Variants in DLC1 observed in about 807,000 individuals in gnomAD.
DLC1 encodes the protein DLC1 Rho GTPase activating protein.
Under a neutral mutation model 140.3 loss-of-function variants are expected in DLC1, and 54 were observed. That is an observed-to-expected ratio of 0.38 (90% CI 0.31 to 0.48). The LOEUF is 0.48. Among genes scored for constraint, DLC1 ranks in the 20% least tolerant of loss-of-function variants. DLC1 has a pLI of 0.96. For missense variants in DLC1, 2,536 were observed against 1,907.0 expected, an observed-to-expected ratio of 1.33 and a Z score of -6.14; for synonymous variants, 986 against 728.1, an observed-to-expected ratio of 1.35 and a Z score of -5.70.
chr8:13,256,214 G>A (rs1019357387), intron 5 of DLC1, among the ~76,000 whole-genome samples: 4 of 152,180 alleles, frequency 2.6e-5, no homozygotes, highest in Non-Finnish European at 4.4e-5. Flanking sequence ...GTTATTAAAT[G>A]TACAGTAGTT....
At chr8:13,592,405 T>C (rs1253800701) in intron 1 of DLC1, among the ~76,000 whole-genome samples, 1 of 152,130 alleles carries the variant, frequency 6.6e-6, no homozygotes, top group African/African-American at 2.4e-5. Context: ...TATATTTTTA[T>C]ATTTCTCCCA....
upstream of DLC1, among the ~76,000 whole-genome samples, chr8:13,519,582 G>T (rs1231872237): frequency 6.6e-6 from 1 of 152,222 alleles, no homozygotes; most frequent in East Asian, 1.9e-4. Flanking sequence ...TAACCATATA[G>T]TATTTACCTG....
chr8:13,231,741 G>A (rs1340112226), intron 5 of DLC1, among the ~76,000 whole-genome samples: 2 of 152,216 alleles, frequency 1.3e-5, no homozygotes, highest in African/African-American at 2.4e-5. Context: ...TGAGCACAGC[G>A]ATGTGATCAG....
At chr8:13,568,001 C>T (rs547029149) in intron 1 of DLC1, 10 of 1,471,110 alleles carry the variant, frequency 6.8e-6, no homozygotes, top group Middle Eastern at 2.4e-4. Context: ...ATAATTTCTA[C>T]AGGCACTTGG....
At chr8:13,195,014 A>T (rs561556150) in intron 5 of DLC1, among the ~76,000 whole-genome samples, 1 of 152,316 alleles carries the variant, frequency 6.6e-6, no homozygotes, top group African/African-American at 2.4e-5. Flanking sequence ...TGTCTCAAAA[A>T]CAGCAAAAGA....
chr8:13,273,102 G>T (rs1303236774), intron 5 of DLC1, among the ~76,000 whole-genome samples: 1 of 152,064 alleles, frequency 6.6e-6, no homozygotes, highest in African/African-American at 2.4e-5. Flanking sequence ...TGATCCATAG[G>T]TTTCACAGGA....
chr8:13,363,440 C>T (rs893385468), intron 4 of DLC1, among the ~76,000 whole-genome samples: 1 of 149,146 alleles, frequency 6.7e-6, no homozygotes, highest in Non-Finnish European at 1.5e-5. Flanking sequence ...AATTGATTAA[C>T]AACATTGAAG....
chr8:13,135,070 T>G lies in DLC1; in HGVS notation c.1349-19413A>C, dbSNP rs562306780. On this transcript the variant is annotated intron_variant, in intron 5 of 17. Transcript: ENST00000276297. ...TCATGAGTGTGGGAGCCGGAGGAGC[T>G]GCCCAAGAGCCCACCGTCACCAGCA... Among the ~76,000 whole-genome samples, 3 of 152,214 alleles carry G rather than the reference T, an allele frequency of 2.0e-5. No homozygotes were observed. In the East Asian group the frequency reaches 5.8e-4, roughly 30 times the overall value.
At chr8:13,088,110 T>C (rs950630054) in intron 16 of DLC1, among the ~76,000 whole-genome samples, 3 of 152,200 alleles carry the variant, frequency 2.0e-5, no homozygotes, top group East Asian at 3.9e-4. Flanking sequence ...AAATAAGGTC[T>C]TGCTCTGTTG....
intron 1 of DLC1, chr8:13,558,735 T>C (rs1433587458): frequency 6.6e-6 from 1 of 152,180 alleles, no homozygotes; most frequent in Admixed American, 6.6e-5. Context: ...TTACACAGTG[T>C]AATTAATTTT....
At chr8:13,122,310 C>G (rs1488388626) in intron 5 of DLC1, among the ~76,000 whole-genome samples, 2 of 152,190 alleles carry the variant, frequency 1.3e-5, no homozygotes, top group African/African-American at 4.8e-5. Context: ...TTGCTCCAGG[C>G]TTTCCAAACT....
intron 2 of DLC1, among the ~76,000 whole-genome samples, chr8:13,421,403 G>A (rs1024538943): frequency 1.3e-5 from 2 of 152,126 alleles, no homozygotes; most frequent in African/African-American, 4.8e-5. Context: ...TATCTACTAA[G>A]TCCTAATCTT....
At chr8:13,578,521 C>T (rs1804926775) in intron 1 of DLC1, among the ~76,000 whole-genome samples, 1 of 152,116 alleles carries the variant, frequency 6.6e-6, no homozygotes, top group Non-Finnish European at 1.5e-5. Context: ...TCCTACAAGG[C>T]TGCCCCCACT....
intron 5 of DLC1, among the ~76,000 whole-genome samples, chr8:13,119,478 C>G (rs1820851495): frequency 6.6e-6 from 1 of 152,166 alleles, no homozygotes; most frequent in African/African-American, 2.4e-5. Flanking sequence ...ATTTACCTCT[C>G]AACAGTTCTA....
intron 9 of DLC1, among the ~76,000 whole-genome samples, chr8:13,099,100 C>G (rs569866410): frequency 6.9e-6 from 1 of 144,828 alleles, no homozygotes; most frequent in African/African-American, 2.4e-5. Context: ...CAAGTTCATT[C>G]TCATTGTGTG....
In DLC1 at chr8:13,088,681, C is replaced by T. The variant is rs907572174; in HGVS notation, c.4098G>A (p.Arg1366=). The T allele has an allele frequency of 6.8e-6, 11 of 1,614,088 alleles. No homozygotes were observed. The highest frequency in any genetic ancestry group is 9.3e-6 in the Non-Finnish European group (11 of 1,180,024). ...GGACTTCAATGACTGACCTCCAAAG[C>T]CTCAGAGGGGGTCCTTCGCTCACCT... ...YKKVSEGPPL[R]LWRSVIEVPA... is the part of the protein sequence containing the mutation. Residue 1366 remains arginine, a synonymous_variant, in exon 16 of 18, where the codon AGG becomes AGA. Transcript: ENST00000276297.
intron 6 of DLC1, among the ~76,000 whole-genome samples, chr8:13,113,108 G>A (rs1457971720): frequency 1.3e-5 from 2 of 152,230 alleles, no homozygotes; most frequent in Non-Finnish European, 2.9e-5. Context: ...AGTGAGGAGT[G>A]TAAGAATTAA....
chr8:13,580,663 G>A (rs889705092), intron 1 of DLC1, among the ~76,000 whole-genome samples: 5 of 152,182 alleles, frequency 3.3e-5, no homozygotes, highest in Non-Finnish European at 7.3e-5. Flanking sequence ...AGACCAGAAA[G>A]GATAAATGTC....
At chr8:13,397,595 G>A (rs940743090) in intron 3 of DLC1, among the ~76,000 whole-genome samples, 2 of 151,970 alleles carry the variant, frequency 1.3e-5, no homozygotes. Flanking sequence ...TTGGGAGGCC[G>A]AGGTGGGAAG....
Sources: allele counts gnomAD v4.1 joint callset (sites outside exome capture counted in the v4.1 genomes callset), GRCh38; gene constraint gnomAD v4.1.1; transcripts MANE v1.5; gene names NCBI Gene and HGNC (gene_info 2026-07-23, HGNC 2026-07-21).